KIF11: variants seen among roughly 807,000 people sequenced by gnomAD.
KIF11 encodes the protein kinesin family member 11.
A neutral mutation model predicts 121.0 loss-of-function variants in KIF11; 9 were observed. That is an observed-to-expected ratio of 0.07 (90% CI 0.04 to 0.13). KIF11 has a LOEUF of 0.13. Ranked by LOEUF, KIF11 falls within the 10% of genes least tolerant of loss-of-function variation. The probability of loss-of-function intolerance (pLI) is 1.00; values close to 1 mark genes in which losing one functional copy is unlikely to be tolerated. For missense variants in KIF11, 846 were observed against 1,217.5 expected, an observed-to-expected ratio of 0.69 and a Z score of 4.54; for synonymous variants, 408 against 421.0, an observed-to-expected ratio of 0.97 and a Z score of 0.38.
intron 17 of KIF11, among the ~76,000 whole-genome samples, chr10:92,643,647 C>T (rs1209652521): frequency 1.3e-5 from 2 of 149,876 alleles, no homozygotes; most frequent in Non-Finnish European, 2.9e-5. Context: ...ACCTCTGCCT[C>T]CCAGGTTCAA....
chr10:92,640,575 AT>A (rs1844854315), intron 17 of KIF11, among the ~76,000 whole-genome samples: 1 of 142,198 alleles, frequency 7.0e-6, no homozygotes, highest in Admixed American at 6.9e-5. Context: ...GGGACTACAG[AT>A]GCCCGCCACC....
At chr10:92,643,555 AT>A (rs368633432) in intron 17 of KIF11, among the ~76,000 whole-genome samples, 164 of 123,446 alleles carry the variant, frequency 1.3e-3, no homozygotes, top group Middle Eastern at 4.3e-3. Context: ...TATCTACTAG[AT>A]TTTTTTTTTT....
At chr10:92,598,919 AGGTAT>A (rs1224367364) in intron 1 of KIF11, among the ~76,000 whole-genome samples, 1 of 152,148 alleles carries the variant, frequency 6.6e-6, no homozygotes, top group African/African-American at 2.4e-5. Flanking sequence ...CTGGGATTAC[AGGTAT>A]GTGGCACCAC....
intron 8 of KIF11, among the ~76,000 whole-genome samples, chr10:92,614,021 TACACACACACACACAC>T (rs71028831): frequency 2.1e-3 from 266 of 127,058 alleles, no homozygotes; most frequent in African/African-American, 4.4e-3. Context: ...AGTATGTGTA[TACACACACACACACAC>T]ACACACACAC....
chr10:92,608,948 G>A, intron 4 of KIF11, 72 bp from the exon 5 acceptor site: 1 of 775,436 alleles, frequency 1.3e-6, no homozygotes, highest in Non-Finnish European at 2.0e-6. Flanking sequence ...ATATTATAAA[G>A]GAGGCCCATG....
In KIF11 at chr10:92,645,595, G is replaced by T. The variant is rs1844910189; in HGVS notation, c.2500G>T (p.Val834Leu). 3.7e-6 allele frequency: 6 copies of T among 1,609,842 alleles called. No homozygotes were observed. The highest frequency in any genetic ancestry group is 2.7e-5 in the African/African-American group (2 of 74,686). ...AACAGTTTATTTTTCTGAACAGTGG[G>T]TATCTTCCTTAAATGAAAGGGAACA... ...TRTVYFSEQW[V>L]SSLNEREQEL... Residue 834 changes from valine (V) to leucine (L), a missense_variant, in exon 18 of 22, where the codon GTA becomes TTA. Physicochemically the swap from Val to Leu is conservative, Grantham distance 32. Around this residue, in one of 5 missense-constraint regions of KIF11, gnomAD observed 492 missense variants for 603.4 expected, o/e 0.82. Transcript: ENST00000260731.
In KIF11 at chr10:92,616,672, T is replaced by C. The variant is rs17875338; in HGVS notation, c.1033-65T>C. ...CTTGTAAGTTATTATATAACATATT[T>C]TAGATAACAGAACTACATTATTCTC... On this transcript the variant is annotated intron_variant, in intron 8 of 21. Coordinates refer to ENST00000260731, the MANE Select transcript of KIF11 (RefSeq NM_004523.4). The C allele has an allele frequency of 2.1e-3, 1,698 of 797,560 alleles. 3 individuals carry two copies. Among genetic ancestry groups the C allele is most frequent in the Non-Finnish European group, 2.9e-3 (1,378 of 480,192 alleles). 49.4% of individuals were successfully genotyped at this position (797,560 alleles called of 1,614,324 possible).
In KIF11 at chr10:92,593,464, G is replaced by A. The variant is rs374775760; in HGVS notation, c.77+12G>A. The A allele has an allele frequency of 6.2e-7, 1 of 1,605,474 alleles. No individual in the cohort carries two copies. The highest frequency in any genetic ancestry group is 1.7e-5 in the Admixed American group (1 of 58,134). On this transcript the variant is annotated intron_variant, in intron 1 of 21. Coordinates refer to ENST00000260731, the MANE Select transcript of KIF11 (RefSeq NM_004523.4). ...GTGGTGAGATGCAGGTAGGGAGAGG[G>A]CTGACAGGATTCCGAGCGCTGCGGC...
intron 9 of KIF11, among the ~76,000 whole-genome samples, chr10:92,619,120 G>A (rs11517020): frequency 0.084 from 12,769 of 152,126 alleles, 716 homozygotes; most frequent in Non-Finnish European, 0.12. Flanking sequence ...GGGTTCAAGC[G>A]ATTCTCCTTC....
intron 16 of KIF11, 122 bp from the exon 17 acceptor site, chr10:92,639,670 ATC>A: frequency 1.7e-6 from 1 of 584,170 alleles, no homozygotes; most frequent in Non-Finnish European, 3.0e-6. Flanking sequence ...AGTTAACTTT[ATC>A]TCTTGTCAAG....
intron 10 of KIF11, among the ~76,000 whole-genome samples, chr10:92,624,852 C>CTCTGCCCCCCAGGT (rs1844655681): frequency 6.6e-6 from 1 of 150,402 alleles, no homozygotes; most frequent in African/African-American, 2.4e-5. Context: ...TCACTGCAAA[C>CTCTGCCCCCCAGGT]TCTGCCCCCC....
At chr10:92,652,086 C>T (rs559742394) in intron 21 of KIF11, among the ~76,000 whole-genome samples, 1 of 150,160 alleles carries the variant, frequency 6.7e-6, no homozygotes, top group African/African-American at 2.4e-5. Flanking sequence ...GCTAGGATTA[C>T]AGGCATGAAC....
chr10:92,599,534 A>G (rs1434242191), intron 1 of KIF11, among the ~76,000 whole-genome samples: 1 of 151,268 alleles, frequency 6.6e-6, no homozygotes, highest in Non-Finnish European at 1.5e-5. Flanking sequence ...CAAAAAAAAA[A>G]AAAAAGAAAA....
rs192062939 is a variant in KIF11 at position 92,642,960 on chromosome 10, G to A, written c.2268-2403G>A. Among the ~76,000 whole-genome samples the A allele has an allele frequency of 2.8e-3, 422 of 152,220 alleles. 1 individual carries two copies. Among genetic ancestry groups the A allele is most frequent in the Non-Finnish European group, 4.0e-3 (275 of 68,000 alleles). ...AGAGTCTTGCTCTGTGGCCCAGGCC[G>A]GAGTACAGTGGTGCAATCTTGGCTC... On this transcript the variant is annotated intron_variant, in intron 17 of 21. Coordinates refer to ENST00000260731, the MANE Select transcript of KIF11 (RefSeq NM_004523.4).
At chr10:92,632,864 T>A in intron 13 of KIF11, among the ~76,000 whole-genome samples, 171 bp downstream of exon 13, 1 of 152,324 alleles carries the variant, frequency 6.6e-6, no homozygotes, top group South Asian at 2.1e-4. Flanking sequence ...TTAAAACAAA[T>A]CTTTTTTCCC....
At chr10:92,631,737 A>G (rs546955106) in intron 12 of KIF11, among the ~76,000 whole-genome samples, 7 of 150,704 alleles carry the variant, frequency 4.6e-5, no homozygotes, top group South Asian at 4.2e-4. Flanking sequence ...GTGCAGTGGC[A>G]TCATCTCAGT....
At chr10:92,644,645 G>C (rs532745845) in intron 17 of KIF11, among the ~76,000 whole-genome samples, 9 of 152,086 alleles carry the variant, frequency 5.9e-5, no homozygotes, top group Non-Finnish European at 1.2e-4. Context: ...TGACTTTCAC[G>C]TGTAGGTTTG....
intron 1 of KIF11, among the ~76,000 whole-genome samples, chr10:92,605,847 A>C (rs1844425122): frequency 6.6e-6 from 1 of 152,126 alleles, no homozygotes; most frequent in Admixed American, 6.6e-5. Flanking sequence ...CATTTTTACA[A>C]GTTAAAACCT....
chr10:92,619,416 T>G (rs1421922836), intron 9 of KIF11, among the ~76,000 whole-genome samples: 1 of 152,244 alleles, frequency 6.6e-6, no homozygotes. Context: ...ATGAGCTAAT[T>G]TCAGTTTTTC....
Sources: gnomAD v4.1 joint callset for allele counts (sites outside exome capture counted in the v4.1 genomes callset) on GRCh38, gnomAD v4.1.1 for gene constraint, gnomAD v4.1.1 regional missense constraint, MANE v1.5 for transcripts, NCBI Gene and HGNC (gene_info 2026-07-23, HGNC 2026-07-21) for gene names.